MTTP: variants seen among roughly 807,000 people sequenced by gnomAD.
The protein encoded by MTTP is microsomal triglyceride transfer protein.
In MTTP, 49 loss-of-function variants were observed where a neutral mutation model predicts 90.6. The ratio of observed to expected loss-of-function variants is 0.54; its 90% CI spans 0.43 to 0.69. The LOEUF is 0.69. Among genes scored for constraint, MTTP ranks in the 30% least tolerant of loss-of-function variants. MTTP has a pLI of 0.00. For synonymous variants in MTTP, 347 were observed against 384.2 expected, an observed-to-expected ratio of 0.90 and a Z score of 1.13; for missense variants, 945 against 1,067.5, an observed-to-expected ratio of 0.89 and a Z score of 1.60.
chr4:99,569,062 A>C (rs1429648782), intron 1 of MTTP, among the ~76,000 whole-genome samples: 5 of 152,202 alleles, frequency 3.3e-5, no homozygotes, highest in Non-Finnish European at 5.9e-5. Flanking sequence ...AAAAACAATT[A>C]ACTTTACAAT....
chr4:99,591,793 A>C lies in MTTP; in HGVS notation c.758+3A>C. ...ATTAAGGGGAAAATAGTATCGAAGT[A>C]AGATAATGCTAAAATTTTTATTTTC... On this transcript the variant is annotated splice_donor_region_variant and intron_variant, in intron 6 of 17. Transcript: ENST00000265517. The C allele has an allele frequency of 4.4e-6, 7 of 1,608,232 alleles. No individual in the cohort carries two copies. Among genetic ancestry groups the C allele is most frequent in the Non-Finnish European group, 6.0e-6 (7 of 1,175,380 alleles).
chr4:99,573,888 G>T (rs893338813), upstream of MTTP, among the ~76,000 whole-genome samples: 1 of 152,130 alleles, frequency 6.6e-6, no homozygotes, highest in Non-Finnish European at 1.5e-5. Context: ...TATAGGTTTA[G>T]TAGGTTTAGC....
chr4:99,572,324 C>G (rs1398679385), upstream of MTTP, among the ~76,000 whole-genome samples: 2 of 151,854 alleles, frequency 1.3e-5, no homozygotes, highest in Non-Finnish European at 2.9e-5. Context: ...CACAATTTCA[C>G]AAAAATCAAG....
chr4:99,586,113 C>A (rs895557483), intron 3 of MTTP, among the ~76,000 whole-genome samples: 1 of 152,058 alleles, frequency 6.6e-6, no homozygotes, highest in African/African-American at 2.4e-5. Context: ...CAGACCTCCC[C>A]CTGTCTCCCT....
Position 99,613,117 on chromosome 4 carries a change from A to T in MTTP, c.2194A>T (p.Ile732Phe). The change falls in exon 15 of 18, where the codon ATT becomes TTT. Residue 732 changes from isoleucine to phenylalanine, a missense_variant. Ile to Phe is a conservative substitution (Grantham distance 21). Transcript: ENST00000265517. ...GDPISVVKGL[I>F]LLIDHSQELQ... ...CCCTATCAGTGTGGTGAAAGGACTT[A>T]TTCTGCTAATAGATCATTCTCAGGT... The T allele has an allele frequency of 6.2e-7, 1 of 1,613,794 alleles. No individual in the cohort carries two copies. Among genetic ancestry groups the T allele is most frequent in the African/African-American group, 1.3e-5 (1 of 75,030 alleles).
At chr4:99,574,704 C>G, upstream of MTTP, 7 of 1,142,620 alleles carry the variant, frequency 6.1e-6, no homozygotes, top group South Asian at 9.3e-5. Flanking sequence ...AAAACTGCAG[C>G]CCACCTACGT....
In MTTP at chr4:99,609,113, C is replaced by A. The variant is rs569048195; in HGVS notation, c.1769+136C>A. On this transcript the variant is annotated intron_variant, in intron 12 of 17. Transcript: ENST00000265517. ...TAAAACCAAAGAGTGCCAGATTTCC[C>A]ATAATAGGGCTATTTAGGGGGCCAG... is the stretch of plus-strand genomic sequence containing the variant. 1.0e-4 allele frequency: 88 copies of A among 847,122 alleles called. 1 individual carries two copies. In the South Asian group the frequency reaches 1.3e-3, roughly 12 times the overall value. 52.5% of individuals were successfully genotyped at this position (847,122 alleles called of 1,614,324 possible). A position where few individuals can be genotyped will look rare whatever the true frequency, so the allele number is the denominator to read the frequency against.
intron 10 of MTTP, among the ~76,000 whole-genome samples, chr4:99,605,865 A>ATGTG (rs1315844209): frequency 6.1e-5 from 4 of 65,300 alleles, no homozygotes; most frequent in Non-Finnish European, 1.1e-4. Context: ...CCCCAACCCC[A>ATGTG]TGTATGTGTG....
chr4:99,584,264 A>C (rs1467664441), intron 3 of MTTP: 1 of 152,132 alleles, frequency 6.6e-6, no homozygotes, highest in Non-Finnish European at 1.5e-5. Flanking sequence ...GTTGACATAC[A>C]TAAAAATGTG....
chr4:99,620,768 TTTG>T (rs1726209358), intron 16 of MTTP: 1 of 359,894 alleles, frequency 2.8e-6, no homozygotes, highest in African/African-American at 2.1e-5. Context: ...CATTTTGGTC[TTTG>T]TTATGCCCAT....
chr4:99,574,414 A>G (rs6532821), upstream of MTTP, among the ~76,000 whole-genome samples: 10,846 of 152,244 alleles, frequency 0.071, 653 homozygotes, highest in African/African-American at 0.16. Context: ...AAAGATGTCC[A>G]TACAAGAAAA....
chr4:99,601,785 C>CAA, intron 10 of MTTP, 71 bp downstream of exon 10: 1 of 1,156,388 alleles, frequency 8.6e-7, no homozygotes, highest in Non-Finnish European at 1.3e-6. Flanking sequence ...ACCATGCTGC[C>CAA]TACTATTGGC....
chr4:99,579,446 G>A lies in MTTP; in HGVS notation c.62-2459G>A, dbSNP rs547314651. ...TTTGCACTTGCTGTTTCCTCTGTGAGGGGAAGGGGTAGAAAGGGTAGGAGT... is the reference window on the plus strand; with the variant it reads ...TTTGCACTTGCTGTTTCCTCTGTGAAGGGAAGGGGTAGAAAGGGTAGGAGT... On this transcript the variant is annotated intron_variant, in intron 1 of 17. Coordinates refer to ENST00000265517, the MANE Select transcript of MTTP (RefSeq NM_001386140.1). 2.0e-5 allele frequency among the ~76,000 whole-genome samples: 3 copies of A among 152,250 alleles called. No homozygotes were observed. The South Asian group carries it at 6.2e-4, about 32-fold the overall frequency.
intron 1 of MTTP, among the ~76,000 whole-genome samples, chr4:99,564,876 A>C (rs1436990062): frequency 6.6e-6 from 1 of 152,218 alleles, no homozygotes; most frequent in Admixed American, 6.5e-5. Flanking sequence ...AAAAGAGCCG[A>C]AATTTCTTTG....
chr4:99,564,913 C>T (rs906014412), intron 1 of MTTP, among the ~76,000 whole-genome samples: 1 of 152,220 alleles, frequency 6.6e-6, no homozygotes, highest in Non-Finnish European at 1.5e-5. Flanking sequence ...TAAAGTCACT[C>T]TTGCCATAAG....
At chr4:99,598,653 C>CTTTTTTTTTTT (rs745529189) in intron 8 of MTTP, among the ~76,000 whole-genome samples, 4 of 82,546 alleles carry the variant, frequency 4.8e-5, no homozygotes, top group Admixed American at 1.5e-4. Context: ...TCAAGGAAGT[C>CTTTTTTTTTTT]TTTTTTTTTT....
chr4:99,597,084 G>T lies in MTTP; in HGVS notation c.927G>T (p.Arg309=), dbSNP rs1001965936. 1 of 1,613,820 alleles carries T rather than the reference G, an allele frequency of 6.2e-7. No homozygotes were observed. The highest frequency in any genetic ancestry group is 8.5e-7 in the Non-Finnish European group (1 of 1,179,912). ...KGCPSLSELW[R]STRKYLQPDN... is the part of the protein sequence containing the mutation. ...TTTTGCAGCTCTCGGAGCTCTGGCG[G>T]TCCACCAGGAAATACCTGCAGCCTG... Residue 309 remains arginine (R), a synonymous_variant, in exon 8 of 18, where the codon CGG becomes CGT. Transcript: ENST00000265517.
At chr4:99,577,370 C>A (rs1320416121) in intron 1 of MTTP, among the ~76,000 whole-genome samples, 1 of 151,874 alleles carries the variant, frequency 6.6e-6, no homozygotes, top group Non-Finnish European at 1.5e-5. Context: ...CTTTGGGAGG[C>A]CAAGGTGGGT....
At chr4:99,572,828 T>C (rs1724869333), upstream of MTTP, among the ~76,000 whole-genome samples, 1 of 152,110 alleles carries the variant, frequency 6.6e-6, no homozygotes, top group Admixed American at 6.5e-5. Flanking sequence ...TCATCTGTAA[T>C]GAAACAATCT....
Sources: allele counts gnomAD v4.1 joint callset (sites outside exome capture counted in the v4.1 genomes callset), GRCh38; gene constraint gnomAD v4.1.1; transcripts MANE v1.5; gene names NCBI Gene and HGNC (gene_info 2026-07-23, HGNC 2026-07-21).